KLF9: variants seen among roughly 807,000 people sequenced by gnomAD.
KLF9 encodes KLF transcription factor 9, also known as Krueppel-like factor 9.
Under a neutral mutation model 17.3 loss-of-function variants are expected in KLF9, and 2 were observed. The observed-to-expected ratio is 0.12, with a 90% CI of 0.05 to 0.36. The LOEUF (loss-of-function observed/expected upper bound fraction) is 0.36, where lower values mean the gene tolerates loss of function less well. KLF9 is among the 10% of genes least tolerant of loss of function. The probability of loss-of-function intolerance (pLI) is 1.00; values close to 1 mark genes in which losing one functional copy is unlikely to be tolerated. For missense variants in KLF9, 226 were observed against 333.2 expected, an observed-to-expected ratio of 0.68 and a Z score of 2.51; for synonymous variants, 138 against 139.2, an observed-to-expected ratio of 0.99 and a Z score of 0.06.
chr9:70,385,442 G>A lies in KLF9; in HGVS notation c.*2334C>T, dbSNP rs905663927. The A allele has an allele frequency of 6.6e-6, 1 of 152,592 alleles. No individual in the cohort carries two copies. Among genetic ancestry groups the A allele is most frequent in the Admixed American group, 6.5e-5 (1 of 15,270 alleles). 9.5% of individuals were successfully genotyped at this position (152,592 alleles called of 1,614,324 possible). A position where few individuals can be genotyped will look rare whatever the true frequency, so the allele number is the denominator to read the frequency against. ...ACAACTTTTTTGGGAAGTAAATTGT[G>A]CATTTTTTTAAAACAAGTTGCTGCA... On this transcript the variant is annotated 3_prime_UTR_variant, in exon 2 of 2. Transcript: ENST00000377126.
intron 1 of KLF9, among the ~76,000 whole-genome samples, chr9:70,406,228 C>T (rs908764821): frequency 6.6e-6 from 1 of 152,202 alleles, no homozygotes; most frequent in East Asian, 1.9e-4. Flanking sequence ...GCATTTTCTG[C>T]TGACAAATGC....
chr9:70,400,198 A>G (rs562829200), intron 1 of KLF9, among the ~76,000 whole-genome samples: 3 of 152,128 alleles, frequency 2.0e-5, no homozygotes, highest in Non-Finnish European at 4.4e-5. Flanking sequence ...GGTGGGGAAA[A>G]GGACTGTGTT....
rs191251948 is a variant in KLF9 at position 70,401,296 on chromosome 9, G to A, written c.505+11563C>T. Reference sequence around the variant, plus strand: ...AAGGAGCATGAGGATGCAATAAGCCGTGATTGCACCACTGCACTCCAGCCT... The same window carrying A: ...AAGGAGCATGAGGATGCAATAAGCCATGATTGCACCACTGCACTCCAGCCT... On this transcript the variant is annotated intron_variant, in intron 1 of 1. Transcript: ENST00000377126. Among the ~76,000 whole-genome samples the A allele has an allele frequency of 1.4e-3, 206 of 152,126 alleles. 1 individual carries two copies. The highest frequency in any genetic ancestry group is 2.5e-4 in the Non-Finnish European group (17 of 68,002).
At chr9:70,394,024 C>T (rs1176358292) in intron 1 of KLF9, among the ~76,000 whole-genome samples, 2 of 80,560 alleles carry the variant, frequency 2.5e-5, no homozygotes, top group African/African-American at 4.7e-5. Flanking sequence ...GACCCTGTCT[C>T]AAAAAAAAAA....
At chr9:70,402,102 A>G (rs2037226361) in intron 1 of KLF9, among the ~76,000 whole-genome samples, 1 of 152,218 alleles carries the variant, frequency 6.6e-6, no homozygotes, top group Non-Finnish European at 1.5e-5. Context: ...AAAATAGCCT[A>G]TGTTTTTCAC....
At position 70,386,207 on chromosome 9, in the gene KLF9, C is replaced by A. The variant is rs1318744097; in HGVS notation, c.*1569G>T. ...AATGTAAACATTTCCCCCATGATCA[C>A]TGCTGACTCCCCTCATTTGAGGTCT... On this transcript the variant is annotated 3_prime_UTR_variant, in exon 2 of 2. Coordinates refer to ENST00000377126, the MANE Select transcript of KLF9 (RefSeq NM_001206.4). 2 of 152,730 alleles carry A rather than the reference C, an allele frequency of 1.3e-5. No homozygotes were observed. Among genetic ancestry groups the A allele is most frequent in the Non-Finnish European group, 2.9e-5 (2 of 68,046 alleles). 9.5% of individuals were successfully genotyped at this position (152,730 alleles called of 1,614,324 possible).
intron 1 of KLF9, among the ~76,000 whole-genome samples, chr9:70,399,775 C>CT (rs1432526966): frequency 6.6e-6 from 1 of 152,244 alleles, no homozygotes; most frequent in Non-Finnish European, 1.5e-5. Context: ...TTCACAGTGC[C>CT]TTTTTTTCCA....
intron 1 of KLF9, 134 bp from the exon 2 acceptor site, chr9:70,388,139 A>G: frequency 1.4e-6 from 1 of 720,074 alleles, no homozygotes. Context: ...CCCCTCCCCA[A>G]AATCCCTATG....
chr9:70,412,783 C>T, intron 1 of KLF9, 76 bp downstream of exon 1: 1 of 1,421,706 alleles, frequency 7.0e-7, no homozygotes, highest in Non-Finnish European at 9.5e-7. Context: ...GTGCAGTGTC[C>T]CGAACGCCCA....
intron 1 of KLF9, among the ~76,000 whole-genome samples, chr9:70,409,967 T>C (rs2037297943): frequency 6.6e-6 from 1 of 152,262 alleles, no homozygotes; most frequent in African/African-American, 2.4e-5. Flanking sequence ...AAGGGGTTAC[T>C]GTGTGTGGAA....
intron 1 of KLF9, among the ~76,000 whole-genome samples, chr9:70,408,039 C>T (rs2037269124): frequency 6.6e-6 from 1 of 152,120 alleles, no homozygotes; most frequent in Non-Finnish European, 1.5e-5. Context: ...CGGAATGGGG[C>T]ATAGTCCATA....
rs1041007524 is a variant in KLF9, at chr9:70,414,299, T to G, written c.-936A>C. The G allele has an allele frequency of 1.3e-5, 2 of 152,250 alleles. No individual in the cohort carries two copies. Among genetic ancestry groups the G allele is most frequent in the Non-Finnish European group, 2.9e-5 (2 of 68,036 alleles). The allele number at this position is 152,250 out of a possible 1,614,324, so 9.4% of individuals were successfully genotyped here. A position where few individuals can be genotyped will look rare whatever the true frequency, so the allele number is the denominator to read the frequency against. ...TTGGGACACATCTTTCCTAGTCAGT[T>G]GCGCTCGTTCCTATGGCAAAAGAGA... On this transcript the variant is annotated 5_prime_UTR_variant, in exon 1 of 2. Coordinates refer to ENST00000377126, the MANE Select transcript of KLF9 (RefSeq NM_001206.4).
At chr9:70,409,137 T>TAC (rs1564089337) in intron 1 of KLF9, among the ~76,000 whole-genome samples, 4 of 61,556 alleles carry the variant, frequency 6.5e-5, no homozygotes, top group Non-Finnish European at 1.4e-4. Context: ...TATGTATACA[T>TAC]ATATATGTAT....
intron 1 of KLF9, among the ~76,000 whole-genome samples, chr9:70,398,405 G>A (rs567358447): frequency 3.3e-5 from 5 of 152,150 alleles, no homozygotes; most frequent in Admixed American, 6.5e-5. Flanking sequence ...TCCAAATATC[G>A]TGCACACATT....
chr9:70,409,137 T>TATATATAC (rs2037288360), intron 1 of KLF9, among the ~76,000 whole-genome samples: 2 of 61,554 alleles, frequency 3.2e-5, no homozygotes, highest in Non-Finnish European at 4.7e-5. Context: ...TATGTATACA[T>TATATATAC]ATATATGTAT....
chr9:70,412,988 G>C lies in KLF9; in HGVS notation c.376C>G (p.Leu126Val). 1.9e-6 allele frequency: 3 copies of C among 1,614,184 alleles called. 1 individual carries two copies. In the Middle Eastern group the frequency reaches 5.0e-4, roughly 266 times the overall value. The change falls in exon 1 of 2, where the codon CTC (leucine) becomes GTC (valine). Residue 126 changes from leucine to valine, a missense_variant. Coordinates refer to ENST00000377126, the MANE Select transcript of KLF9 (RefSeq NM_001206.4). ...DPGSAPSPLS[L>V]LHPGVAAKGK... ...TTCGCAGCCACTCCAGGATGGAGGA[G>C]GGAGAGCGGGCTGGGCGCGCTGCCA... is the stretch of plus-strand genomic sequence containing the variant.
rs1260613087 is a variant in KLF9 at position 70,386,452 on chromosome 9, C to T, written c.*1324G>A. 6.6e-6 allele frequency: 1 copy of T among 152,670 alleles called. No individual in the cohort carries two copies. Among genetic ancestry groups the T allele is most frequent in the Non-Finnish European group, 1.5e-5 (1 of 68,046 alleles). The allele number at this position is 152,670 out of a possible 1,614,324, so 9.5% of individuals were successfully genotyped here. Reference sequence around the variant, plus strand: ...TCCACAAGGGACGATTTTGCAGAGTCTCCTCTGAAATCATTGTGGTATTTT... The same window carrying T: ...TCCACAAGGGACGATTTTGCAGAGTTTCCTCTGAAATCATTGTGGTATTTT... On this transcript the variant is annotated 3_prime_UTR_variant, in exon 2 of 2. Transcript: ENST00000377126.
chr9:70,409,088 ATATG>A (rs1473717358), intron 1 of KLF9, among the ~76,000 whole-genome samples: 10 of 92,910 alleles, frequency 1.1e-4, no homozygotes, highest in South Asian at 3.3e-4. Context: ...ATATACACAT[ATATG>A]TATATATATG....
rs1346695074 is a variant in KLF9, at chr9:70,409,191, C to CATAT, written c.505+3667_505+3668insATAT. Among the ~76,000 whole-genome samples, 236 of 51,478 alleles carry CATAT rather than the reference C, an allele frequency of 4.6e-3. 36 individuals carry two copies. Among genetic ancestry groups the CATAT allele is most frequent in the Middle Eastern group, 0.013 (1 of 78 alleles). The allele number at this position is 51,478 out of a possible 152,430, so 33.8% of individuals were successfully genotyped here. On this transcript the variant is annotated intron_variant, in intron 1 of 1. Coordinates refer to ENST00000377126, the MANE Select transcript of KLF9 (RefSeq NM_001206.4). ...ATATGTATATATATGTATACATATACATGTATATGTATATATATATACATA... is the reference window on the plus strand; with the variant it reads ...ATATGTATATATATGTATACATATACATATATGTATATGTATATATATATACATA...
Sources: allele counts gnomAD v4.1 joint callset (sites outside exome capture counted in the v4.1 genomes callset), GRCh38; gene constraint gnomAD v4.1.1; transcripts MANE v1.5; gene names NCBI Gene and HGNC (gene_info 2026-07-23, HGNC 2026-07-21).